Variants in KCNQ1 observed in about 807,000 individuals in gnomAD.
The protein encoded by KCNQ1 is potassium voltage-gated channel subfamily KQT member 1.
Under a neutral mutation model 72.4 loss-of-function variants are expected in KCNQ1, and 49 were observed. The observed-to-expected ratio is 0.68, with a 90% CI of 0.54 to 0.86. The LOEUF (loss-of-function observed/expected upper bound fraction) is 0.86, where lower values mean the gene tolerates loss of function less well. Among genes scored for constraint, KCNQ1 ranks in the 40% least tolerant of loss-of-function variants. The pLI, the probability that KCNQ1 is intolerant of heterozygous loss-of-function variation, is 0.00. For missense variants in KCNQ1, 790 were observed against 945.1 expected (o/e 0.84, Z 2.15); for synonymous variants, 450 against 412.6 (o/e 1.09, Z -1.10).
rs1850993034 is a variant in KCNQ1, at chr11:2,711,009, A to G, written c.1514+48928A>G. Among the ~76,000 whole-genome samples, 1 of 152,240 alleles carries G rather than the reference A, an allele frequency of 6.6e-6. No individual in the cohort carries two copies. The highest frequency in any genetic ancestry group is 1.5e-5 in the Non-Finnish European group (1 of 68,050). On this transcript the variant is annotated intron_variant, in intron 11 of 15. Coordinates refer to ENST00000155840, the MANE Select transcript of KCNQ1 (RefSeq NM_000218.3). This position sits in a 1 kb window ranked among gnomAD's most constrained non-coding sequence, Gnocchi z 5.4. ...TACAATCAGCTTGTCAATTTCTGCA[A>G]AGAAACCATCTGGGATACCAATAGG... is the stretch of plus-strand genomic sequence containing the variant.
intron 1 of KCNQ1, among the ~76,000 whole-genome samples, chr11:2,453,016 A>C (rs1846136999): frequency 6.6e-6 from 1 of 152,220 alleles, no homozygotes; most frequent in African/African-American, 2.4e-5. Context: ...GAGAGCGAAG[A>C]AACTTTTCTA....
At chr11:2,607,608 G>C (rs970636441) in intron 10 of KCNQ1, among the ~76,000 whole-genome samples, 3 of 152,134 alleles carry the variant, frequency 2.0e-5, no homozygotes, top group Admixed American at 6.5e-5. Context: ...CCAGTGCCTT[G>C]ACCTTGGACT....
Position 2,767,926 on chromosome 11 carries a change from AGCCCACTGG to A in KCNQ1, c.1515-913_1515-905del, listed in dbSNP as rs1846526475. The stretch of plus-strand genomic sequence containing the variant: ...CCCTGGACTCCACATTTTTATCACT[AGCCCACTGG>A]GCCCCCACCCTGTTGGGTGTCAGTG... On this transcript the variant is annotated intron_variant, in intron 11 of 15. Transcript: ENST00000155840. This position sits in a 1 kb window ranked among gnomAD's most constrained non-coding sequence, Gnocchi z 4.6. Among the ~76,000 whole-genome samples, 1 of 152,198 alleles carries A rather than the reference AGCCCACTGG, an allele frequency of 6.6e-6. No individual in the cohort carries two copies. Among genetic ancestry groups the A allele is most frequent in the Non-Finnish European group, 1.5e-5 (1 of 68,036 alleles).
rs1848469393 is a variant in KCNQ1 at position 2,579,569 on chromosome 11, T to C, written c.922-3866T>C. 1.3e-5 allele frequency among the ~76,000 whole-genome samples: 2 copies of C among 152,086 alleles called. No homozygotes were observed. The highest frequency in any genetic ancestry group is 1.3e-4 in the Admixed American group (2 of 15,272). ...TCTGAATGCAGGAAAAACAAACAGG[T>C]CTGCAGGGAGGGGCCGTTTCCTTGT... On this transcript the variant is annotated intron_variant, in intron 6 of 15. Coordinates refer to ENST00000155840, the MANE Select transcript of KCNQ1 (RefSeq NM_000218.3). The surrounding 1 kb of genome is among the most constrained non-coding windows in gnomAD (Gnocchi z 6.0).
In KCNQ1 at chr11:2,675,060, G is replaced by A. The variant is rs560011621; in HGVS notation, c.1514+12979G>A. 1.1e-4 allele frequency: 42 copies of A among 398,690 alleles called. 1 individual carries two copies. The highest frequency in any genetic ancestry group is 7.2e-4 in the African/African-American group (35 of 48,778). The allele number at this position is 398,690 out of a possible 1,614,324, so 24.7% of individuals were successfully genotyped here. A position where few individuals can be genotyped will look rare whatever the true frequency, so the allele number is the denominator to read the frequency against. ...GTGGGGGACGGGGATGCCAAGGGCA[G>A]AGCCCCTGGAGAGGCTAGTGTGGGC... On this transcript the variant is annotated intron_variant, in intron 11 of 15. Transcript: ENST00000155840.
Position 2,479,781 on chromosome 11 carries a change from GT to G in KCNQ1, c.386+34302del, listed in dbSNP as rs1236349562. On this transcript the variant is annotated intron_variant, in intron 1 of 15. Transcript: ENST00000155840. The surrounding 1 kb of genome is among the most constrained non-coding windows in gnomAD (Gnocchi z 4.6). ...GCTTGACTTTCTCCTCAGAAAATGG[GT>G]TTTTATTTTCTATCACATTTTCAGA... Among the ~76,000 whole-genome samples, 1 of 152,136 alleles carries G rather than the reference GT, an allele frequency of 6.6e-6. No individual in the cohort carries two copies. Among genetic ancestry groups the G allele is most frequent in the Non-Finnish European group, 1.5e-5 (1 of 68,034 alleles).
chr11:2,662,456 G>T (rs1006411349), intron 11 of KCNQ1: 12 of 477,976 alleles, frequency 2.5e-5, no homozygotes, highest in Non-Finnish European at 4.0e-5. Context: ...AAAGCCATGG[G>T]GCAGATGCCG....
At chr11:2,758,440 C>T (rs1297955852) in intron 11 of KCNQ1, among the ~76,000 whole-genome samples, 1 of 152,136 alleles carries the variant, frequency 6.6e-6, no homozygotes, top group African/African-American at 2.4e-5. Context: ...CGGGATTGCC[C>T]ATCTGTTGCT....
rs560446804 is a variant in KCNQ1, at chr11:2,736,295, G to C, written c.1515-32549G>C. On this transcript the variant is annotated intron_variant, in intron 11 of 15. Transcript: ENST00000155840. ...TTGGGGACCTAATGGGATTAAAGGC[G>C]ACCGAGCTTGGGCCGTATCTGGGAT... Among the ~76,000 whole-genome samples, 125 of 152,304 alleles carry C rather than the reference G, an allele frequency of 8.2e-4. 2 individuals carry two copies. In the South Asian group the frequency reaches 0.025, roughly 30 times the overall value.
In KCNQ1 at chr11:2,769,454, G is replaced by A. The variant is rs993523233; in HGVS notation, c.1590+535G>A. On this transcript the variant is annotated intron_variant, in intron 12 of 15. Coordinates refer to ENST00000155840, the MANE Select transcript of KCNQ1 (RefSeq NM_000218.3). This position sits in a 1 kb window ranked among gnomAD's most constrained non-coding sequence, Gnocchi z 4.6. ...AGGTGGGGTCCCCTTGGCCAGGTGA[G>A]GCTGGAGCTCCAGGGCTTCCATAAG... 1.3e-5 allele frequency among the ~76,000 whole-genome samples: 2 copies of A among 152,172 alleles called. No individual in the cohort carries two copies. Among genetic ancestry groups the A allele is most frequent in the Non-Finnish European group, 1.5e-5 (1 of 68,032 alleles).
Position 2,826,005 on chromosome 11 carries a change from C to T in KCNQ1, c.1795-21762C>T, listed in dbSNP as rs1847831953. 6.6e-6 allele frequency among the ~76,000 whole-genome samples: 1 copy of T among 152,178 alleles called. No individual in the cohort carries two copies. Among genetic ancestry groups the T allele is most frequent in the Admixed American group, 6.5e-5 (1 of 15,286 alleles). ...CCCCAGTACCCTCTCCCCGAGGCCT[C>T]GTCCTCCCCGCCATCCTGGAAACGA... On this transcript the variant is annotated intron_variant, in intron 15 of 15. Coordinates refer to ENST00000155840, the MANE Select transcript of KCNQ1 (RefSeq NM_000218.3). The surrounding 1 kb of genome is among the most constrained non-coding windows in gnomAD (Gnocchi z 4.2).
At position 2,537,654 on chromosome 11, in the gene KCNQ1, G is replaced by A. The variant is rs1385382573; in HGVS notation, c.477+9636G>A. Among the ~76,000 whole-genome samples the A allele has an allele frequency of 6.6e-6, 1 of 151,188 alleles. No homozygotes were observed. The highest frequency in any genetic ancestry group is 1.5e-5 in the Non-Finnish European group (1 of 68,038). On this transcript the variant is annotated intron_variant, in intron 2 of 15. Coordinates refer to ENST00000155840, the MANE Select transcript of KCNQ1 (RefSeq NM_000218.3). The surrounding 1 kb of genome is among the most constrained non-coding windows in gnomAD (Gnocchi z 5.2). ...GCTTTCATCTTCTGCCATTTGCTCT[G>A]CACGTTTCTCTCTATATGCAAAAAC...
At chr11:2,578,514 G>A (rs369786398) in intron 6 of KCNQ1, among the ~76,000 whole-genome samples, 3 of 152,238 alleles carry the variant, frequency 2.0e-5, no homozygotes, top group African/African-American at 7.2e-5. Context: ...CCAGCTCTGC[G>A]AGATCCTGCA....
At position 2,497,645 on chromosome 11, in the gene KCNQ1, C is replaced by T. The variant is rs1253939906; in HGVS notation, c.387-30283C>T. On this transcript the variant is annotated intron_variant, in intron 1 of 15. Transcript: ENST00000155840. This position sits in a 1 kb window ranked among gnomAD's most constrained non-coding sequence, Gnocchi z 4.5. ...TAGCTCAGAGGAATTTGTTATTACC[C>T]ACCTTCTGAAGCCTACTTCTGTCAA... Among the ~76,000 whole-genome samples, 1 of 152,150 alleles carries T rather than the reference C, an allele frequency of 6.6e-6. No individual in the cohort carries two copies. Among genetic ancestry groups the T allele is most frequent in the African/African-American group, 2.4e-5 (1 of 41,436 alleles).
chr11:2,662,879 T>C (rs532266334), intron 11 of KCNQ1: 9 of 398,612 alleles, frequency 2.3e-5, no homozygotes, highest in African/African-American at 1.6e-4. Context: ...TTCTAAAGGG[T>C]GTTTTGTTCT....
rs943635358 is a variant in KCNQ1, at chr11:2,626,203, C to T, written c.1394-35758C>T. ...GACTTCATAGTTTTAGGACTTTGAC[C>T]CATTTTGAGTAAGTTTTTGTACACA... On this transcript the variant is annotated intron_variant, in intron 10 of 15. Transcript: ENST00000155840. The surrounding 1 kb of genome is among the most constrained non-coding windows in gnomAD (Gnocchi z 4.0). The T allele has an allele frequency of 2.5e-6, 1 of 398,296 alleles. No individual in the cohort carries two copies. The highest frequency in any genetic ancestry group is 2.1e-5 in the African/African-American group (1 of 48,546). 24.7% of individuals were successfully genotyped at this position (398,296 alleles called of 1,614,324 possible).
intron 15 of KCNQ1, among the ~76,000 whole-genome samples, chr11:2,797,640 G>T (rs147884759): frequency 6.6e-6 from 1 of 152,060 alleles, no homozygotes; most frequent in Admixed American, 6.6e-5. Flanking sequence ...TGCCTTCTCT[G>T]TGCAGCAGGG....
At chr11:2,777,797 C>A in intron 14 of KCNQ1, 179 bp from the exon 15 acceptor site, 1 of 644,850 alleles carries the variant, frequency 1.6e-6, no homozygotes, top group Admixed American at 2.3e-5. Context: ...CCATGCCCGG[C>A]CACCGTACCA....
At position 2,612,168 on chromosome 11, in the gene KCNQ1, G is replaced by C. The variant is rs919413804; in HGVS notation, c.1393+23314G>C. On this transcript the variant is annotated intron_variant, in intron 10 of 15. Coordinates refer to ENST00000155840, the MANE Select transcript of KCNQ1 (RefSeq NM_000218.3). The surrounding 1 kb of genome is among the most constrained non-coding windows in gnomAD (Gnocchi z 5.5). ...TATTAGAAACTGGGCTACACAGCAG[G>C]AGGTGAGCAGCAGGCAAGCAAGCAT... The C allele has an allele frequency of 3.1e-4, 124 of 398,658 alleles. No homozygotes were observed. Among genetic ancestry groups the C allele is most frequent in the Middle Eastern group, 1.3e-3 (2 of 1,588 alleles). The allele number at this position is 398,658 out of a possible 1,614,324, so 24.7% of individuals were successfully genotyped here.
Sources: gnomAD v4.1 joint callset for allele counts (sites outside exome capture counted in the v4.1 genomes callset) on GRCh38, gnomAD v4.1.1 for gene constraint, Gnocchi (gnomAD v3.1) non-coding constraint, MANE v1.5 for transcripts, NCBI Gene and HGNC (gene_info 2026-07-23, HGNC 2026-07-21) for gene names.